UNC5D: variants seen among roughly 807,000 people sequenced by gnomAD.
UNC5D encodes the protein netrin receptor UNC5D.
Under a neutral mutation model 105.4 loss-of-function variants are expected in UNC5D, and 39 were observed. The ratio of observed to expected loss-of-function variants is 0.37; its 90% CI spans 0.29 to 0.48. UNC5D has a LOEUF of 0.48. Ranked by LOEUF, UNC5D falls within the 20% of genes least tolerant of loss-of-function variation. UNC5D has a pLI of 0.98. For missense variants in UNC5D, 991 were observed against 1,202.4 expected (o/e 0.82, Z 2.60); for synonymous variants, 452 against 450.4 (o/e 1.00, Z -0.04).
intron 4 of UNC5D, among the ~76,000 whole-genome samples, chr8:35,655,081 T>A (rs1189274607): frequency 6.6e-6 from 1 of 152,230 alleles, no homozygotes; most frequent in Non-Finnish European, 1.5e-5. Context: ...GTTTCTTTTC[T>A]CTAATATGAA....
intron 1 of UNC5D, among the ~76,000 whole-genome samples, chr8:35,262,199 T>A (rs1804543994): frequency 1.3e-5 from 2 of 152,202 alleles, no homozygotes; most frequent in Non-Finnish European, 2.9e-5. Flanking sequence ...TCAGTTATAC[T>A]TTATTAAACT....
At chr8:35,406,984 A>G (rs750126746) in intron 1 of UNC5D, among the ~76,000 whole-genome samples, 4 of 152,150 alleles carry the variant, frequency 2.6e-5, no homozygotes, top group Non-Finnish European at 5.9e-5. Context: ...ATGTACAGAC[A>G]TGCCCTGCAT....
At chr8:35,422,059 G>T (rs1208473289) in intron 1 of UNC5D, among the ~76,000 whole-genome samples, 2 of 152,140 alleles carry the variant, frequency 1.3e-5, no homozygotes, top group Non-Finnish European at 2.9e-5. Flanking sequence ...ATGATGTTTT[G>T]TGTGTGGTAA....
chr8:35,508,293 A>T (rs1386779019), intron 1 of UNC5D, among the ~76,000 whole-genome samples: 2 of 152,180 alleles, frequency 1.3e-5, no homozygotes, highest in Non-Finnish European at 2.9e-5. Context: ...GTTTAAGTCT[A>T]TGATTGTTTT....
intron 2 of UNC5D, among the ~76,000 whole-genome samples, chr8:35,553,134 C>A (rs1211002820): frequency 6.6e-6 from 1 of 152,032 alleles, no homozygotes; most frequent in Non-Finnish European, 1.5e-5. Context: ...TTTCTGTTAC[C>A]ACTGCTAGAA....
rs1297421658 is a variant in UNC5D at position 35,791,053 on chromosome 8, T to G, written c.*490T>G. The G allele has an allele frequency of 5.4e-6, 1 of 185,404 alleles. No individual in the cohort carries two copies. The highest frequency in any genetic ancestry group is 5.3e-5 in the Admixed American group (1 of 18,742). 11.5% of individuals were successfully genotyped at this position (185,404 alleles called of 1,614,324 possible). ...ACGTGAAACAGGGTTGCCAACCCAT[T>G]TGTATGACTTCAACAACGTCAAGGA... On this transcript the variant is annotated 3_prime_UTR_variant, in exon 17 of 17. Coordinates refer to ENST00000404895, the MANE Select transcript of UNC5D (RefSeq NM_080872.4).
intron 1 of UNC5D, among the ~76,000 whole-genome samples, chr8:35,395,505 C>G (rs1327331575): frequency 6.6e-6 from 1 of 152,238 alleles, no homozygotes; most frequent in East Asian, 1.9e-4. Context: ...TTTCTTTTGT[C>G]TATATTGCTC....
chr8:35,339,628 A>G (rs529709139), intron 1 of UNC5D, among the ~76,000 whole-genome samples: 4 of 152,356 alleles, frequency 2.6e-5, no homozygotes, highest in South Asian at 4.1e-4. Context: ...CTGCTGCTGC[A>G]TGGATAGTGT....
intron 1 of UNC5D, among the ~76,000 whole-genome samples, chr8:35,271,748 C>T (rs141026266): frequency 3.7e-5 from 3 of 80,432 alleles, no homozygotes; most frequent in Admixed American, 1.3e-4. Flanking sequence ...TATATTTATA[C>T]ATGTATACAT....
chr8:35,456,482 A>T (rs756822007), intron 1 of UNC5D, among the ~76,000 whole-genome samples: 2 of 152,170 alleles, frequency 1.3e-5, no homozygotes, highest in Non-Finnish European at 2.9e-5. Context: ...CTTTTTGTGG[A>T]TGCCTGAGCA....
chr8:35,508,453 C>A (rs530907788), intron 1 of UNC5D, among the ~76,000 whole-genome samples: 1 of 152,200 alleles, frequency 6.6e-6, no homozygotes, highest in African/African-American at 2.4e-5. Flanking sequence ...TATTTCTCTT[C>A]AGAGACTAGT....
intron 1 of UNC5D, among the ~76,000 whole-genome samples, chr8:35,271,257 G>A (rs1433927398): frequency 7.0e-6 from 1 of 142,328 alleles, no homozygotes; most frequent in East Asian, 2.1e-4. Context: ...ATATGTATAG[G>A]TATACATATG....
chr8:35,661,690 C>G (rs1251311995), intron 4 of UNC5D, among the ~76,000 whole-genome samples: 1 of 152,170 alleles, frequency 6.6e-6, no homozygotes, highest in East Asian at 1.9e-4. Flanking sequence ...ACAGGACTTC[C>G]TGTCAGCTTG....
At chr8:35,753,462 G>A (rs1258322348) in intron 13 of UNC5D, among the ~76,000 whole-genome samples, 2 of 151,838 alleles carry the variant, frequency 1.3e-5, no homozygotes, top group African/African-American at 2.4e-5. Flanking sequence ...GTAGAGATGG[G>A]GTTTCATCAT....
chr8:35,258,386 T>C lies in UNC5D; in HGVS notation c.103+22499T>C, dbSNP rs536291847. Among the ~76,000 whole-genome samples, 4 of 152,302 alleles carry C rather than the reference T, an allele frequency of 2.6e-5. 1 individual carries two copies. Among genetic ancestry groups the C allele is most frequent in the African/African-American group, 9.6e-5 (4 of 41,574 alleles). Reference sequence around the variant, plus strand: ...ACATTCAAACCATAGTAATATGTTATTTTTAAAAGAGACAGTAGAGAATAG... The same window carrying C: ...ACATTCAAACCATAGTAATATGTTACTTTTAAAAGAGACAGTAGAGAATAG... On this transcript the variant is annotated intron_variant, in intron 1 of 16. Coordinates refer to ENST00000404895, the MANE Select transcript of UNC5D (RefSeq NM_080872.4).
At chr8:35,279,094 T>C (rs1805971493) in intron 1 of UNC5D, among the ~76,000 whole-genome samples, 1 of 152,110 alleles carries the variant, frequency 6.6e-6, no homozygotes, top group Non-Finnish European at 1.5e-5. Context: ...TAGGAGGCTC[T>C]GTCGAACTCC....
At chr8:35,347,468 T>C (rs556577806) in intron 1 of UNC5D, among the ~76,000 whole-genome samples, 2 of 152,020 alleles carry the variant, frequency 1.3e-5, no homozygotes, top group African/African-American at 2.4e-5. Flanking sequence ...ATGGATTCTT[T>C]GGGATGAGAT....
intron 1 of UNC5D, among the ~76,000 whole-genome samples, chr8:35,361,560 G>A (rs889335655): frequency 3.3e-5 from 5 of 152,120 alleles, no homozygotes; most frequent in African/African-American, 4.8e-5. Context: ...TTTCTTTTCG[G>A]TGGGGTATTG....
At chr8:35,389,346 C>T (rs1803624340) in intron 1 of UNC5D, among the ~76,000 whole-genome samples, 1 of 152,122 alleles carries the variant, frequency 6.6e-6, no homozygotes, top group African/African-American at 2.4e-5. Flanking sequence ...CACCTGAGCC[C>T]CTTGTTAAAA....
Sources: gnomAD v4.1 joint callset for allele counts (sites outside exome capture counted in the v4.1 genomes callset) on GRCh38, gnomAD v4.1.1 for gene constraint, MANE v1.5 for transcripts, NCBI Gene and HGNC (gene_info 2026-07-23, HGNC 2026-07-21) for gene names.